The following SHROOM3 variants were observed in gnomAD, a reference collection of about 807,000 sequenced individuals.
SHROOM3 encodes the protein shroom family member 3.
A neutral mutation model predicts 138.6 loss-of-function variants in SHROOM3; 47 were observed. The observed-to-expected ratio is 0.34, with a 90% CI of 0.27 to 0.43. The LOEUF (loss-of-function observed/expected upper bound fraction) is 0.43. Ranked by LOEUF, SHROOM3 falls within the 20% of genes least tolerant of loss-of-function variation. The pLI, the probability that SHROOM3 is intolerant of heterozygous loss-of-function variation, is 1.00. For missense variants in SHROOM3, 2,491 were observed against 2,596.5 expected, an observed-to-expected ratio of 0.96 and a Z score of 0.88; for synonymous variants, 1,062 against 1,063.3, an observed-to-expected ratio of 1.00 and a Z score of 0.02.
rs1432751510 is a variant in SHROOM3, at chr4:76,781,168, CAGGCTGG to C, written c.*1994_*2000del. 4 of 152,144 alleles carry C rather than the reference CAGGCTGG, an allele frequency of 2.6e-5. No homozygotes were observed. The highest frequency in any genetic ancestry group is 7.2e-5 in the African/African-American group (3 of 41,426). The allele number at this position is 152,144 out of a possible 1,614,324, so 9.4% of individuals were successfully genotyped here. ...TGAGAAAGGGTCTTACTATGTTGCCCAGGCTGGAGTGCAGAGTGGTGCGATAACAGCT... is the reference window on the plus strand; with the variant it reads ...TGAGAAAGGGTCTTACTATGTTGCCCAGTGCAGAGTGGTGCGATAACAGCT... On this transcript the variant is annotated 3_prime_UTR_variant, in exon 11 of 11. Transcript: ENST00000296043.
chr4:76,475,166 A>G (rs751358524), intron 1 of SHROOM3, among the ~76,000 whole-genome samples: 3 of 152,196 alleles, frequency 2.0e-5, no homozygotes, highest in Non-Finnish European at 4.4e-5. Context: ...TCGTTTTGTA[A>G]TAATACAATG....
At chr4:76,591,126 A>G (rs1734264881) in intron 2 of SHROOM3, among the ~76,000 whole-genome samples, 1 of 152,202 alleles carries the variant, frequency 6.6e-6, no homozygotes, top group Non-Finnish European at 1.5e-5. Context: ...AAGATACTGT[A>G]AAATGATAAA....
chr4:76,709,709 T>C (rs537969745), intron 2 of SHROOM3: 1 of 256,312 alleles, frequency 3.9e-6, no homozygotes, highest in Non-Finnish European at 7.6e-6. Flanking sequence ...CCTGTTACAC[T>C]TGGAGATCCC....
intron 2 of SHROOM3, among the ~76,000 whole-genome samples, chr4:76,639,075 A>G (rs964529221): frequency 2.6e-5 from 4 of 152,118 alleles, no homozygotes; most frequent in African/African-American, 7.2e-5. Flanking sequence ...TCCCCCAGAC[A>G]TGGTAAGGCA....
chr4:76,526,086 G>A (rs905299665), intron 1 of SHROOM3, among the ~76,000 whole-genome samples: 3 of 152,068 alleles, frequency 2.0e-5, no homozygotes, highest in Admixed American at 1.3e-4. Flanking sequence ...AATAAATGTC[G>A]GCCAGGTGCG....
At chr4:76,762,641 C>T (rs1484634465) in intron 9 of SHROOM3, among the ~76,000 whole-genome samples, 1 of 152,212 alleles carries the variant, frequency 6.6e-6, no homozygotes, top group East Asian at 1.9e-4. Flanking sequence ...TGAGGGTTTG[C>T]ATCACTTTGT....
intron 2 of SHROOM3, among the ~76,000 whole-genome samples, chr4:76,561,096 T>A (rs984483586): frequency 1.3e-5 from 2 of 152,202 alleles, no homozygotes; most frequent in Non-Finnish European, 2.9e-5. Flanking sequence ...TTTCTGGGCA[T>A]CAAAGAGAGC....
intron 1 of SHROOM3, among the ~76,000 whole-genome samples, chr4:76,441,524 T>C (rs1341901790): frequency 1.3e-5 from 2 of 152,218 alleles, no homozygotes; most frequent in East Asian, 1.9e-4. Context: ...CCTTTTAAAA[T>C]AGCCAATCCT....
At chr4:76,463,575 A>G (rs983435972) in intron 1 of SHROOM3, among the ~76,000 whole-genome samples, 2 of 152,214 alleles carry the variant, frequency 1.3e-5, no homozygotes, top group African/African-American at 4.8e-5. Context: ...AGCCAAGACA[A>G]TGGGGAAAAT....
intron 4 of SHROOM3, among the ~76,000 whole-genome samples, chr4:76,735,858 A>AT: frequency 1.9e-5 from 1 of 52,936 alleles, no homozygotes; most frequent in Non-Finnish European, 3.2e-5. Context: ...AAAAAAAAAA[A>AT]AAAAAAAAAA....
At chr4:76,639,594 T>TGATGCTTCC (rs1735603457) in intron 2 of SHROOM3, 1 of 398,506 alleles carries the variant, frequency 2.5e-6, no homozygotes, top group South Asian at 1.3e-4. Flanking sequence ...TGCCTGGCTC[T>TGATGCTTCC]GATGCTTCCC....
chr4:76,605,990 C>CACATATAT (rs1553927820), intron 2 of SHROOM3, among the ~76,000 whole-genome samples: 1 of 84,714 alleles, frequency 1.2e-5, no homozygotes, highest in African/African-American at 5.6e-5. Flanking sequence ...CACACACACA[C>CACATATAT]ATATATATAT....
chr4:76,493,458 T>C (rs1203911766), intron 1 of SHROOM3, among the ~76,000 whole-genome samples: 1 of 152,134 alleles, frequency 6.6e-6, no homozygotes, highest in South Asian at 2.1e-4. Context: ...TGAGCCTAAA[T>C]TGCTCAAAAT....
intron 2 of SHROOM3, among the ~76,000 whole-genome samples, chr4:76,643,136 C>A (rs2110082529): frequency 6.6e-6 from 1 of 150,840 alleles, no homozygotes; most frequent in African/African-American, 2.4e-5. Flanking sequence ...ATTGCTTGAA[C>A]CTGGGAGATG....
At chr4:76,473,850 C>G (rs533508365) in intron 1 of SHROOM3, among the ~76,000 whole-genome samples, 1 of 152,248 alleles carries the variant, frequency 6.6e-6, no homozygotes, top group African/African-American at 2.4e-5. Context: ...AATTAAAACT[C>G]TCACACATTG....
chr4:76,601,205 T>TC (rs1210612828), intron 2 of SHROOM3, among the ~76,000 whole-genome samples: 5 of 152,178 alleles, frequency 3.3e-5, no homozygotes, highest in African/African-American at 1.2e-4. Flanking sequence ...GCGATTTCCC[T>TC]CCAGGGGACA....
At chr4:76,544,742 A>C (rs1405399875) in intron 1 of SHROOM3, among the ~76,000 whole-genome samples, 1 of 152,046 alleles carries the variant, frequency 6.6e-6, no homozygotes, top group Non-Finnish European at 1.5e-5. Context: ...ATTCTAGTTA[A>C]CTATGCAATG....
chr4:76,525,646 ATT>A (rs1485931026), intron 1 of SHROOM3, among the ~76,000 whole-genome samples: 1 of 152,096 alleles, frequency 6.6e-6, no homozygotes, highest in Non-Finnish European at 1.5e-5. Context: ...GTTTTTGCCC[ATT>A]TTCAAATTAG....
chr4:76,730,255 A>G (rs997335700), intron 3 of SHROOM3, among the ~76,000 whole-genome samples: 1 of 152,244 alleles, frequency 6.6e-6, no homozygotes, highest in Non-Finnish European at 1.5e-5. Context: ...TCTCTAGACC[A>G]TGTAGCTTAG....
Sources: gnomAD v4.1 joint callset for allele counts (sites outside exome capture counted in the v4.1 genomes callset) on GRCh38, gnomAD v4.1.1 for gene constraint, MANE v1.5 for transcripts, NCBI Gene and HGNC (gene_info 2026-07-23, HGNC 2026-07-21) for gene names.